The following EXOC4 variants were observed in gnomAD, a reference collection of about 807,000 sequenced individuals.
EXOC4 encodes the protein SEC8-like 1.
A neutral mutation model predicts 107.2 loss-of-function variants in EXOC4; 71 were observed. That is an observed-to-expected ratio of 0.66 (90% CI 0.55 to 0.81). The LOEUF is 0.81. Among genes scored for constraint, EXOC4 ranks in the 30% least tolerant of loss-of-function variants. The probability of loss-of-function intolerance (pLI) is 0.00; values close to 1 mark genes in which losing one functional copy is unlikely to be tolerated. For missense variants in EXOC4, 1,108 were observed against 1,189.6 expected, an observed-to-expected ratio of 0.93 and a Z score of 1.01; for synonymous variants, 456 against 441.2, an observed-to-expected ratio of 1.03 and a Z score of -0.42.
At chr7:133,820,154 A>ATTTTTTTTTTTTTTTTTTTT (rs35640945) in intron 11 of EXOC4, among the ~76,000 whole-genome samples, 1 of 70,300 alleles carries the variant, frequency 1.4e-5, no homozygotes, top group African/African-American at 5.4e-5. Flanking sequence ...CACCTGCTTC[A>ATTTTTTTTTTTTTTTTTTTT]TTTTTTTTTT....
At chr7:133,780,245 AC>A (rs369284151) in intron 10 of EXOC4, among the ~76,000 whole-genome samples, 9 of 151,412 alleles carry the variant, frequency 5.9e-5, no homozygotes, top group African/African-American at 9.7e-5. Context: ...CAAAAAAAAA[AC>A]CTTCCTTTTC....
rs990511256 is a variant in EXOC4, at chr7:133,462,319, C to T, written c.1183-13009C>T. Reference sequence around the variant, plus strand: ...CAGCCTACTGGTGGGGGATATTGACCTTTAGCTAGAAAAGAATATAAGAAT... The same window carrying T: ...CAGCCTACTGGTGGGGGATATTGACTTTTAGCTAGAAAAGAATATAAGAAT... On this transcript the variant is annotated intron_variant, in intron 7 of 17. Coordinates refer to ENST00000253861, the MANE Select transcript of EXOC4 (RefSeq NM_021807.4). Among the ~76,000 whole-genome samples the T allele has an allele frequency of 2.0e-5, 3 of 152,206 alleles. No homozygotes were observed. The East Asian group carries it at 5.8e-4, about 29-fold the overall frequency.
At chr7:133,411,333 A>G (rs1423239721) in intron 7 of EXOC4, among the ~76,000 whole-genome samples, 3 of 152,202 alleles carry the variant, frequency 2.0e-5, no homozygotes, top group African/African-American at 7.2e-5. Context: ...GTGTTAGTCA[A>G]ATATAAAGAA....
At chr7:133,766,595 G>C (rs1796143137) in intron 10 of EXOC4, among the ~76,000 whole-genome samples, 1 of 151,920 alleles carries the variant, frequency 6.6e-6, no homozygotes, top group South Asian at 2.1e-4. Context: ...CAAACCACCA[G>C]CTGATGCTGC....
intron 9 of EXOC4, among the ~76,000 whole-genome samples, chr7:133,565,439 G>A (rs1232704300): frequency 6.6e-6 from 1 of 152,108 alleles, no homozygotes; most frequent in Non-Finnish European, 1.5e-5. Context: ...CTACTCAAAG[G>A]TATGGGTTTT....
At position 133,324,298 on chromosome 7, in the gene EXOC4, T is replaced by C. The variant is rs189862017; in HGVS notation, c.763+6908T>C. On this transcript the variant is annotated intron_variant, in intron 5 of 17. Transcript: ENST00000253861. ...TGCTTCTCTAGTTCTTTTAATTGTG[T>C]TGTTAGGGTGTCAATTTTAGATCTT... Among the ~76,000 whole-genome samples, 396 of 152,130 alleles carry C rather than the reference T, an allele frequency of 2.6e-3. 1 individual carries two copies. Among genetic ancestry groups the C allele is most frequent in the African/African-American group, 9.2e-3 (384 of 41,540 alleles).
chr7:133,481,988 A>C (rs970813490), intron 9 of EXOC4, among the ~76,000 whole-genome samples: 3 of 152,182 alleles, frequency 2.0e-5, no homozygotes, highest in African/African-American at 7.2e-5. Flanking sequence ...TTAGCAGGCT[A>C]TCTAAGGCTA....
chr7:133,659,315 TGGTA>T (rs1374291602), intron 10 of EXOC4, among the ~76,000 whole-genome samples: 1 of 152,056 alleles, frequency 6.6e-6, no homozygotes, highest in Non-Finnish European at 1.5e-5. Context: ...ATCCGATAAG[TGGTA>T]ACTATGGTGA....
At chr7:133,556,752 GA>G (rs1380404548) in intron 9 of EXOC4, among the ~76,000 whole-genome samples, 3 of 152,152 alleles carry the variant, frequency 2.0e-5, no homozygotes. Context: ...GGGTGTTGTT[GA>G]AAATGATGGA....
intron 7 of EXOC4, among the ~76,000 whole-genome samples, chr7:133,459,676 A>T (rs1424063334): frequency 1.3e-5 from 2 of 152,210 alleles, no homozygotes; most frequent in Non-Finnish European, 2.9e-5. Context: ...TGCCAATCAT[A>T]CAGTGTGATT....
At chr7:133,460,566 C>T (rs546682820) in intron 7 of EXOC4, among the ~76,000 whole-genome samples, 244 of 151,986 alleles carry the variant, frequency 1.6e-3, no homozygotes, top group African/African-American at 5.5e-3. Flanking sequence ...AATCAAATAC[C>T]TATTGTAGAT....
At chr7:133,514,992 G>A (rs1266457734) in intron 9 of EXOC4, among the ~76,000 whole-genome samples, 1 of 152,084 alleles carries the variant, frequency 6.6e-6, no homozygotes, top group African/African-American at 2.4e-5. Context: ...GAGAAGCTCA[G>A]ATTGATAAAG....
chr7:133,690,945 G>C (rs1794405968), intron 10 of EXOC4, among the ~76,000 whole-genome samples: 1 of 152,126 alleles, frequency 6.6e-6, no homozygotes, highest in Admixed American at 6.6e-5. Context: ...CTTGTGATAA[G>C]AGTTGCTCTC....
At chr7:133,922,293 T>A (rs1156510809) in intron 13 of EXOC4, among the ~76,000 whole-genome samples, 1 of 152,164 alleles carries the variant, frequency 6.6e-6, no homozygotes, top group Admixed American at 6.5e-5. Context: ...CAAAGTGCCT[T>A]CTCGTCCTCC....
chr7:133,594,121 TAGAATCTAAG>T (rs1202423316), intron 9 of EXOC4, among the ~76,000 whole-genome samples: 1 of 152,182 alleles, frequency 6.6e-6, no homozygotes, highest in African/African-American at 2.4e-5. Flanking sequence ...ACAGTAATCT[TAGAATCTAAG>T]AATTGTCAGA....
intron 10 of EXOC4, among the ~76,000 whole-genome samples, chr7:133,666,958 C>A (rs981290693): frequency 6.6e-6 from 1 of 152,108 alleles, no homozygotes; most frequent in South Asian, 2.1e-4. Context: ...GTGGTGAAGT[C>A]TGGACTTTTC....
Position 134,033,332 on chromosome 7 carries a change from G to A in EXOC4, c.2687+25497G>A, listed in dbSNP as rs1464153996. On this transcript the variant is annotated intron_variant, in intron 17 of 17. Transcript: ENST00000253861. ...GTTGTTCTTGAAAGAGCCATCCTAG[G>A]AAATATTTAGGGAAAGTCAAGACTT... is the stretch of plus-strand genomic sequence containing the variant. 2.6e-5 allele frequency among the ~76,000 whole-genome samples: 4 copies of A among 152,144 alleles called. No homozygotes were observed. In the South Asian group the frequency reaches 6.2e-4, roughly 24 times the overall value.
At chr7:133,879,605 A>G (rs908156140) in intron 11 of EXOC4, among the ~76,000 whole-genome samples, 12 of 151,982 alleles carry the variant, frequency 7.9e-5, no homozygotes, top group African/African-American at 2.4e-4. Flanking sequence ...TTCTCTCTTC[A>G]TTGATTTTTC....
intron 9 of EXOC4, among the ~76,000 whole-genome samples, chr7:133,569,531 G>T (rs1378632518): frequency 2.0e-4 from 30 of 152,064 alleles, no homozygotes; most frequent in African/African-American, 5.8e-4. Flanking sequence ...GTGTAGATAT[G>T]TAACTTTATT....
Sources: gnomAD v4.1 joint callset for allele counts (sites outside exome capture counted in the v4.1 genomes callset) on GRCh38, gnomAD v4.1.1 for gene constraint, MANE v1.5 for transcripts, NCBI Gene and HGNC (gene_info 2026-07-23, HGNC 2026-07-21) for gene names.